MAGI2: variants seen among roughly 807,000 people sequenced by gnomAD.
MAGI2 encodes the protein membrane-associated guanylate kinase, WW and PDZ domain-containing protein 2.
A neutral mutation model predicts 133.3 loss-of-function variants in MAGI2; 35 were observed. The ratio of observed to expected loss-of-function variants is 0.26; its 90% confidence interval spans 0.20 to 0.35. The LOEUF is 0.35. MAGI2 is among the 10% of genes least tolerant of loss of function. The pLI is 1.00. For missense variants in MAGI2, 1,636 were observed against 1,863.4 expected, an observed-to-expected ratio of 0.88 and a Z score of 2.25; for synonymous variants, 729 against 710.6, an observed-to-expected ratio of 1.03 and a Z score of -0.41.
intron 2 of MAGI2, among the ~76,000 whole-genome samples, chr7:78,675,221 G>C (rs1368631140): frequency 4.6e-5 from 7 of 150,618 alleles, no homozygotes; most frequent in Admixed American, 4.0e-4. Flanking sequence ...ATCTCTTCAT[G>C]CCTACAAAAT....
intron 1 of MAGI2, among the ~76,000 whole-genome samples, chr7:79,168,903 T>C (rs1453630934): frequency 1.2e-4 from 1 of 8,676 alleles, no homozygotes; most frequent in South Asian, 1.4e-3. Context: ...TATATATATA[T>C]ATATATATAT....
intron 3 of MAGI2, among the ~76,000 whole-genome samples, chr7:78,550,648 T>A (rs1584594776): frequency 6.6e-6 from 1 of 152,340 alleles, no homozygotes; most frequent in African/African-American, 2.4e-5. Flanking sequence ...TGAGGACATT[T>A]TAAAATAAAA....
At chr7:78,213,653 G>A (rs184852774) in intron 10 of MAGI2, among the ~76,000 whole-genome samples, 243 of 152,262 alleles carry the variant, frequency 1.6e-3, no homozygotes, top group South Asian at 4.6e-3. Flanking sequence ...CCAACTGTTC[G>A]AATCGTGTTC....
At chr7:79,171,210 G>T (rs992552361) in intron 1 of MAGI2, among the ~76,000 whole-genome samples, 1 of 152,078 alleles carries the variant, frequency 6.6e-6, no homozygotes. Flanking sequence ...TCTGAAGGCA[G>T]TAGGGAAGGA....
At position 78,421,416 on chromosome 7, in the gene MAGI2, T is replaced by G. The variant is rs144783837; in HGVS notation, c.1046-52203A>C. On this transcript the variant is annotated intron_variant, in intron 6 of 21. Coordinates refer to ENST00000354212, the MANE Select transcript of MAGI2 (RefSeq NM_012301.4). ...TGTAGACATAATTTACTTTTCCTTT[T>G]AAGGGACTTTGAAAAGATTTACTTA... Among the ~76,000 whole-genome samples, 12 of 152,350 alleles carry G rather than the reference T, an allele frequency of 7.9e-5. No homozygotes were observed. The East Asian group carries it at 2.1e-3, about 27-fold the overall frequency.
At chr7:78,362,104 C>G (rs554012264) in intron 7 of MAGI2, among the ~76,000 whole-genome samples, 1 of 152,118 alleles carries the variant, frequency 6.6e-6, no homozygotes, top group East Asian at 1.9e-4. Context: ...GAGTTTGAGA[C>G]CAGCCTGGAC....
intron 1 of MAGI2, among the ~76,000 whole-genome samples, chr7:79,108,082 G>A (rs751684982): frequency 1.3e-5 from 2 of 152,200 alleles, no homozygotes; most frequent in Non-Finnish European, 2.9e-5. Flanking sequence ...CAACATCAGA[G>A]AGTGTTTAGG....
intron 5 of MAGI2, among the ~76,000 whole-genome samples, chr7:78,493,307 A>G (rs1220395559): frequency 6.6e-6 from 1 of 152,186 alleles, no homozygotes; most frequent in African/African-American, 2.4e-5. Context: ...TTCTGAGAAA[A>G]CATTCTTCTC....
chr7:78,978,861 A>G (rs1043774838), intron 2 of MAGI2, among the ~76,000 whole-genome samples: 3 of 151,840 alleles, frequency 2.0e-5, no homozygotes, highest in African/African-American at 7.2e-5. Context: ...TAATATTGTT[A>G]TTCATTGGAA....
At chr7:78,058,022 A>C in intron 21 of MAGI2, among the ~76,000 whole-genome samples, 1 of 36,280 alleles carries the variant, frequency 2.8e-5, no homozygotes, top group African/African-American at 1.2e-4. Context: ...AAACATCTTG[A>C]ATATAAAAAG....
intron 9 of MAGI2, among the ~76,000 whole-genome samples, chr7:78,290,568 G>A (rs1796600197): frequency 6.6e-6 from 1 of 152,128 alleles, no homozygotes; most frequent in Admixed American, 6.5e-5. Flanking sequence ...TCCAGGACTT[G>A]AACTCAGCTC....
At chr7:78,319,992 A>C (rs12539261) in intron 9 of MAGI2, among the ~76,000 whole-genome samples, 27,724 of 152,180 alleles carry the variant, frequency 0.18, 3,387 homozygotes, top group Middle Eastern at 0.3. Flanking sequence ...GAATACTATA[A>C]ACACCTCTAC....
chr7:78,506,353 C>T (rs185093015), intron 4 of MAGI2, among the ~76,000 whole-genome samples: 200 of 151,894 alleles, frequency 1.3e-3, no homozygotes, highest in Admixed American at 0.011. Flanking sequence ...TTCATGGAGA[C>T]GTCAAGTCAG....
chr7:78,488,199 A>G (rs1295199102), intron 6 of MAGI2, among the ~76,000 whole-genome samples: 1 of 152,034 alleles, frequency 6.6e-6, no homozygotes, highest in East Asian at 1.9e-4. Context: ...TCTCAATGAC[A>G]TTTGGTTCAG....
intron 2 of MAGI2, among the ~76,000 whole-genome samples, chr7:78,835,528 T>C (rs1249049962): frequency 6.6e-6 from 1 of 152,170 alleles, no homozygotes; most frequent in African/African-American, 2.4e-5. Context: ...CCTGAGGAAG[T>C]GAATCTCCTA....
intron 1 of MAGI2, among the ~76,000 whole-genome samples, chr7:79,190,214 C>G (rs2129551083): frequency 6.6e-6 from 1 of 151,938 alleles, no homozygotes; most frequent in East Asian, 1.9e-4. Flanking sequence ...ATTATCTTTC[C>G]AACTGGTTTT....
At chr7:78,462,498 A>C (rs1045649754) in intron 6 of MAGI2, among the ~76,000 whole-genome samples, 1 of 152,242 alleles carries the variant, frequency 6.6e-6, no homozygotes, top group African/African-American at 2.4e-5. Context: ...AGGCATTTTA[A>C]TATTGAAAAT....
intron 9 of MAGI2, among the ~76,000 whole-genome samples, chr7:78,277,471 AAAATTAGTAAC>A (rs1795163071): frequency 6.6e-6 from 1 of 152,212 alleles, no homozygotes; most frequent in Non-Finnish European, 1.5e-5. Flanking sequence ...CCAAATGCAA[AAAATTAGTAAC>A]ATTTCAAGAA....
chr7:78,966,547 T>C (rs1242448315), intron 2 of MAGI2, among the ~76,000 whole-genome samples: 2 of 152,158 alleles, frequency 1.3e-5, no homozygotes, highest in Non-Finnish European at 1.5e-5. Context: ...TGTACGTATA[T>C]GCTACATTTT....
Sources: allele counts gnomAD v4.1 joint callset (sites outside exome capture counted in the v4.1 genomes callset), GRCh38; gene constraint gnomAD v4.1.1; transcripts MANE v1.5; gene names NCBI Gene and HGNC (gene_info 2026-07-23, HGNC 2026-07-21).